The following FMN2 variants were observed in gnomAD, a reference collection of about 807,000 sequenced individuals.
The protein encoded by FMN2 is formin 2.
FMN2 carries 51 observed loss-of-function variants against 142.3 expected under a neutral mutation model. The ratio of observed to expected loss-of-function variants is 0.36; its 90% confidence interval spans 0.29 to 0.45. The LOEUF is 0.45. Ranked by LOEUF, FMN2 falls within the 20% of genes least tolerant of loss-of-function variation. FMN2 has a pLI of 1.00. For missense variants in FMN2, 1,936 were observed against 2,122.8 expected (o/e 0.91, Z 1.73); for synonymous variants, 882 against 869.8 (o/e 1.01, Z -0.25).
Position 240,209,864 on chromosome 1 carries a change from A to C in FMN2, c.3920+1132A>C, listed in dbSNP as rs1029930489. ...GCTTGCAGTGAGCCGAGATCGCGCCACTGCACTCCAGCCTGGGCGACAGAG... is the reference window on the plus strand; with the variant it reads ...GCTTGCAGTGAGCCGAGATCGCGCCCCTGCACTCCAGCCTGGGCGACAGAG... On this transcript the variant is annotated intron_variant, in intron 5 of 17. Transcript: ENST00000319653. Among the ~76,000 whole-genome samples, 21 of 152,046 alleles carry C rather than the reference A, an allele frequency of 1.4e-4. No individual in the cohort carries two copies. The South Asian group carries it at 2.3e-3, about 17-fold the overall frequency.
At chr1:240,201,223 C>T (rs1299865280) in intron 4 of FMN2, among the ~76,000 whole-genome samples, 2 of 152,158 alleles carry the variant, frequency 1.3e-5, no homozygotes, top group Non-Finnish European at 2.9e-5. Flanking sequence ...CTCCTTTTAA[C>T]ACAGACCATC....
intron 8 of FMN2, among the ~76,000 whole-genome samples, chr1:240,300,637 TA>T (rs1414284807): frequency 6.6e-6 from 1 of 152,220 alleles, no homozygotes; most frequent in Non-Finnish European, 1.5e-5. Context: ...AAGAGACATA[TA>T]TAACTTACCT....
intron 2 of FMN2, among the ~76,000 whole-genome samples, chr1:240,174,942 C>A (rs546527385): frequency 6.6e-6 from 1 of 152,248 alleles, no homozygotes; most frequent in East Asian, 1.9e-4. Flanking sequence ...TTTCTTCTTG[C>A]AAAACTGAAA....
At chr1:240,308,183 T>C (rs530721285) in intron 8 of FMN2, among the ~76,000 whole-genome samples, 1 of 152,236 alleles carries the variant, frequency 6.6e-6, no homozygotes, top group South Asian at 2.1e-4. Flanking sequence ...AGAGACCATA[T>C]CATGCCTGAA....
intron 2 of FMN2, among the ~76,000 whole-genome samples, chr1:240,154,033 C>T (rs930940492): frequency 7.0e-6 from 1 of 141,972 alleles, no homozygotes; most frequent in Non-Finnish European, 1.5e-5. Context: ...TCTCTTGAAC[C>T]CAGGAGGCGG....
At chr1:240,297,396 A>G (rs1021421400) in intron 8 of FMN2, among the ~76,000 whole-genome samples, 3 of 151,792 alleles carry the variant, frequency 2.0e-5, no homozygotes, top group Non-Finnish European at 2.9e-5. Context: ...GAGTTCGAGA[A>G]CAGCCTGGCC....
chr1:240,257,280 C>G (rs1471685530), intron 6 of FMN2, among the ~76,000 whole-genome samples: 1 of 152,264 alleles, frequency 6.6e-6, no homozygotes, highest in East Asian at 1.9e-4. Context: ...TTAAGACTTG[C>G]TGGAAATCCA....
intron 14 of FMN2, among the ~76,000 whole-genome samples, chr1:240,372,337 G>T (rs2103070728): frequency 6.6e-6 from 1 of 152,314 alleles, no homozygotes; most frequent in Admixed American, 6.5e-5. Context: ...ATGGAAGTGT[G>T]TTTTGAGGAT....
At chr1:240,252,554 T>C (rs1668310445) in intron 6 of FMN2, among the ~76,000 whole-genome samples, 1 of 151,620 alleles carries the variant, frequency 6.6e-6, no homozygotes, top group African/African-American at 2.4e-5. Context: ...GGCAGTTTTT[T>C]TTTTTTCAGC....
intron 2 of FMN2, among the ~76,000 whole-genome samples, chr1:240,132,703 C>T (rs377636578): frequency 2.0e-4 from 31 of 152,152 alleles, no homozygotes; most frequent in African/African-American, 6.3e-4. Flanking sequence ...CTGGGTGATA[C>T]GGGCTTTGGA....
At chr1:240,155,346 A>G (rs544167052) in intron 2 of FMN2, among the ~76,000 whole-genome samples, 1 of 152,314 alleles carries the variant, frequency 6.6e-6, no homozygotes, top group African/African-American at 2.4e-5. Flanking sequence ...TGGTGCAATC[A>G]TGGCTTACTG....
chr1:240,098,511 G>C (rs1661301949), intron 1 of FMN2, among the ~76,000 whole-genome samples: 1 of 152,124 alleles, frequency 6.6e-6, no homozygotes, highest in Admixed American at 6.6e-5. Flanking sequence ...GCCCCTGACA[G>C]AGTATAGATG....
chr1:240,454,808 G>C (rs1048113745), intron 16 of FMN2, among the ~76,000 whole-genome samples: 1 of 150,256 alleles, frequency 6.7e-6, no homozygotes, highest in African/African-American at 2.5e-5. Flanking sequence ...ACAGGGTATG[G>C]AGCCTGAACT....
intron 13 of FMN2, among the ~76,000 whole-genome samples, chr1:240,343,861 C>T (rs1475556360): frequency 6.6e-6 from 1 of 151,872 alleles, no homozygotes; most frequent in Admixed American, 6.6e-5. Context: ...TCTGAGTGGA[C>T]AAGGGGTGTG....
chr1:240,335,967 A>C (rs1240001087), intron 13 of FMN2, among the ~76,000 whole-genome samples: 1 of 151,696 alleles, frequency 6.6e-6, no homozygotes, highest in Non-Finnish European at 1.5e-5. Flanking sequence ...AATATGAAGA[A>C]ACCCCATCTC....
intron 7 of FMN2, among the ~76,000 whole-genome samples, chr1:240,281,570 T>A (rs1669397287): frequency 6.6e-6 from 1 of 152,188 alleles, no homozygotes; most frequent in African/African-American, 2.4e-5. Context: ...TTCTGTCTTC[T>A]CTGTGGATGA....
chr1:240,451,120 T>A (rs11589771), intron 16 of FMN2, among the ~76,000 whole-genome samples: 4 of 152,020 alleles, frequency 2.6e-5, no homozygotes, highest in Non-Finnish European at 5.9e-5. Flanking sequence ...GTAATCCTAG[T>A]GCTTTGGGAG....
At chr1:240,400,044 G>A (rs971071798) in intron 15 of FMN2, among the ~76,000 whole-genome samples, 18 of 152,168 alleles carry the variant, frequency 1.2e-4, no homozygotes, top group African/African-American at 4.3e-4. Flanking sequence ...AGGTCTAGAT[G>A]GAGAGCAGTT....
chr1:240,265,901 T>G (rs1362144305), intron 7 of FMN2, among the ~76,000 whole-genome samples: 1 of 145,884 alleles, frequency 6.9e-6, no homozygotes, highest in Admixed American at 7.2e-5. Context: ...GTAAGAGAGA[T>G]AACTTAAAGG....
Sources: allele counts gnomAD v4.1 joint callset (sites outside exome capture counted in the v4.1 genomes callset), GRCh38; gene constraint gnomAD v4.1.1; transcripts MANE v1.5; gene names NCBI Gene and HGNC (gene_info 2026-07-23, HGNC 2026-07-21).